KDM1A: variants seen among roughly 807,000 people sequenced by gnomAD.
KDM1A encodes lysine-specific histone demethylase 1A.
Under a neutral mutation model 109.4 loss-of-function variants are expected in KDM1A, and 49 were observed. That is an observed-to-expected ratio of 0.45 (90% CI 0.36 to 0.57). KDM1A has a LOEUF of 0.57. Among genes scored for constraint, KDM1A ranks in the 20% least tolerant of loss-of-function variants. The pLI is 0.00. For synonymous variants in KDM1A, 380 were observed against 415.4 expected, an observed-to-expected ratio of 0.91 and a Z score of 1.04; for missense variants, 668 against 1,116.6, an observed-to-expected ratio of 0.60 and a Z score of 5.73.
intron 8 of KDM1A, among the ~76,000 whole-genome samples, chr1:23,058,460 G>A (rs1196738548): frequency 6.6e-6 from 1 of 152,156 alleles, no homozygotes. Context: ...TACGTTTCAT[G>A]GCTTTAGAAA....
intron 1 of KDM1A, chr1:23,020,154 T>C: frequency 2.0e-6 from 1 of 488,364 alleles, no homozygotes; most frequent in South Asian, 5.3e-5. Context: ...GTCTTTGTGC[T>C]GGGTCCCGAG....
chr1:23,083,170 CTAAA>C lies in KDM1A; in HGVS notation c.2446-8_2446-5del, dbSNP rs764706640. Reference sequence around the variant, plus strand: ...AGCCTGCCAATTTTCTCTTTTTCCCCTAAAATAGCCGATTCCACGACTCTTCTTT... The same window carrying C: ...AGCCTGCCAATTTTCTCTTTTTCCCCATAGCCGATTCCACGACTCTTCTTT... On this transcript the variant is annotated splice_region_variant and splice_polypyrimidine_tract_variant and intron_variant, in intron 20 of 20. Coordinates refer to ENST00000400181, the MANE Select transcript of KDM1A (RefSeq NM_001009999.3). 2 of 1,602,650 alleles carry C rather than the reference CTAAA, an allele frequency of 1.2e-6. No homozygotes were observed. Among genetic ancestry groups the C allele is most frequent in the Admixed American group, 3.4e-5 (2 of 59,402 alleles).
At chr1:23,058,730 A>G (rs1273907864) in intron 8 of KDM1A, among the ~76,000 whole-genome samples, 1 of 152,220 alleles carries the variant, frequency 6.6e-6, no homozygotes, top group Non-Finnish European at 1.5e-5. Flanking sequence ...ACTAAAAATC[A>G]TGTAGCTCCG....
At chr1:23,036,444 GCC>G (rs5773033) in intron 2 of KDM1A, among the ~76,000 whole-genome samples, 51 of 121,706 alleles carry the variant, frequency 4.2e-4, no homozygotes, top group Middle Eastern at 4.2e-3. Flanking sequence ...TTCTTGCCAC[GCC>G]CCCCCCCTCC....
intron 8 of KDM1A, among the ~76,000 whole-genome samples, chr1:23,058,789 T>G (rs1452740131): frequency 1.3e-5 from 2 of 152,226 alleles, no homozygotes; most frequent in Non-Finnish European, 2.9e-5. Flanking sequence ...TGAAAAGATA[T>G]TATAAAACAA....
At chr1:23,055,307 C>G in intron 6 of KDM1A, 146 bp downstream of exon 6, 1 of 381,308 alleles carries the variant, frequency 2.6e-6, no homozygotes. Flanking sequence ...TTCTTAAAGT[C>G]AAGTTAAATA....
At position 23,025,581 on chromosome 1, in the gene KDM1A, C is replaced by T. The variant is rs924894523; in HGVS notation, c.352-4888C>T. On this transcript the variant is annotated intron_variant, in intron 1 of 20. Coordinates refer to ENST00000400181, the MANE Select transcript of KDM1A (RefSeq NM_001009999.3). ...CTTACCTCAGGTGATCCACCCACCT[C>T]GGCCTCCCAAAGTGCTGGGATTACA... is the stretch of plus-strand genomic sequence containing the variant. Among the ~76,000 whole-genome samples, 45 of 152,058 alleles carry T rather than the reference C, an allele frequency of 3.0e-4. 1 individual carries two copies. Among genetic ancestry groups the T allele is most frequent in the Middle Eastern group, 3.2e-3 (1 of 316 alleles).
intron 1 of KDM1A, among the ~76,000 whole-genome samples, chr1:23,027,938 A>G (rs1400689269): frequency 6.6e-6 from 1 of 152,170 alleles, no homozygotes; most frequent in Non-Finnish European, 1.5e-5. Flanking sequence ...GAAGAATCCT[A>G]GGGTTCTGTG....
Position 23,083,329 on chromosome 1 carries a change from C to T in KDM1A, c.2596C>T (p.Pro866Ser), listed in dbSNP as rs1222662883. The change falls in exon 21 of 21, where the codon CCA (proline) becomes TCA (serine). Residue 866 changes from proline to serine, a missense_variant. Pro to Ser is a moderately conservative substitution (Grantham distance 74, BLOSUM62 -1). Around this residue, in one of 8 missense-constraint regions of KDM1A, gnomAD observed 69 missense variants for 99.6 expected, o/e 0.69. Coordinates refer to ENST00000400181, the MANE Select transcript of KDM1A (RefSeq NM_001009999.3). ...AMYTLPRQAT[P>S]GVPAQQSPSM ...GTATACGCTGCCTCGCCAGGCCACA[C>T]CAGGTGTTCCTGCACAGCAGTCCCC... 1.9e-6 allele frequency: 3 copies of T among 1,613,526 alleles called. No homozygotes were observed. Among genetic ancestry groups the T allele is most frequent in the East Asian group, 4.5e-5 (2 of 44,878 alleles).
intron 1 of KDM1A, among the ~76,000 whole-genome samples, chr1:23,028,233 T>G (rs1641869761): frequency 6.6e-6 from 1 of 152,216 alleles, no homozygotes; most frequent in Admixed American, 6.5e-5. Context: ...ATTGCACCCT[T>G]GGCCTCCTGG....
intron 1 of KDM1A, among the ~76,000 whole-genome samples, chr1:23,030,089 G>C (rs1283362752): frequency 1.3e-5 from 2 of 152,208 alleles, no homozygotes; most frequent in East Asian, 3.8e-4. Flanking sequence ...CTTGGCTTTA[G>C]ACAGACTTGG....
Position 23,045,730 on chromosome 1 carries a change from G to C in KDM1A, c.577+1244G>C, listed in dbSNP as rs151061926. 2.7e-3 allele frequency among the ~76,000 whole-genome samples: 408 copies of C among 151,762 alleles called. 4 individuals carry two copies. Among genetic ancestry groups the C allele is most frequent in the African/African-American group, 9.1e-3 (378 of 41,380 alleles). On this transcript the variant is annotated intron_variant, in intron 3 of 20. Coordinates refer to ENST00000400181, the MANE Select transcript of KDM1A (RefSeq NM_001009999.3). ...CATTAAGTAAACAATATCATATATT[G>C]CTGAAAGTGAAAGCAGACTTTCATA...
At chr1:23,040,092 C>A (rs1642262409) in intron 2 of KDM1A, among the ~76,000 whole-genome samples, 1 of 152,174 alleles carries the variant, frequency 6.6e-6, no homozygotes, top group South Asian at 2.1e-4. Context: ...ATAAATTTGG[C>A]CATTTTGGTA....
chr1:23,046,019 A>G (rs1424055293), intron 3 of KDM1A, among the ~76,000 whole-genome samples: 2 of 152,184 alleles, frequency 1.3e-5, no homozygotes, highest in Non-Finnish European at 2.9e-5. Context: ...AAGTTGGTGT[A>G]CACATCCTAA....
At chr1:23,028,973 T>C (rs964293076) in intron 1 of KDM1A, among the ~76,000 whole-genome samples, 8 of 152,188 alleles carry the variant, frequency 5.3e-5, no homozygotes. Context: ...CAATTATTCA[T>C]GTATTAAATA....
chr1:23,035,842 T>C (rs1642126768), intron 2 of KDM1A, among the ~76,000 whole-genome samples: 1 of 152,212 alleles, frequency 6.6e-6, no homozygotes, highest in Non-Finnish European at 1.5e-5. Context: ...TTCTAGAGTA[T>C]TCTATAGAAC....
At chr1:23,076,480 T>C (rs1387464387) in intron 15 of KDM1A, among the ~76,000 whole-genome samples, 2 of 152,170 alleles carry the variant, frequency 1.3e-5, no homozygotes, top group Non-Finnish European at 2.9e-5. Context: ...CTGATTTTGC[T>C]CTCAGGTAAA....
chr1:23,028,049 A>T (rs1641864166), intron 1 of KDM1A, among the ~76,000 whole-genome samples: 1 of 152,160 alleles, frequency 6.6e-6, no homozygotes, highest in East Asian at 1.9e-4. Context: ...CCCTTTCTAG[A>T]CCACCCTTTT....
chr1:23,044,423 A>C lies in KDM1A; in HGVS notation c.518-4A>C, dbSNP rs771021283. 6.2e-7 allele frequency: 1 copy of C among 1,612,946 alleles called. No individual in the cohort carries two copies. Reference sequence around the variant, plus strand: ...TCCCTGAGTTCTCCTCTTTCCTTCCACAGGGCAAGCAGGAGGACTTCAAGA... The same window carrying C: ...TCCCTGAGTTCTCCTCTTTCCTTCCCCAGGGCAAGCAGGAGGACTTCAAGA... On this transcript the variant is annotated splice_polypyrimidine_tract_variant and splice_region_variant and intron_variant, in intron 2 of 20. Coordinates refer to ENST00000400181, the MANE Select transcript of KDM1A (RefSeq NM_001009999.3).
Sources: allele counts gnomAD v4.1 joint callset (sites outside exome capture counted in the v4.1 genomes callset), GRCh38; gene constraint gnomAD v4.1.1; regional missense constraint gnomAD v4.1.1; transcripts MANE v1.5; gene names NCBI Gene and HGNC (gene_info 2026-07-23, HGNC 2026-07-21).